The following UBQLN1 variants were observed in gnomAD, a reference collection of about 807,000 sequenced individuals.
The protein encoded by UBQLN1 is ubiquilin 1, also known as ubiquilin-1.
A neutral mutation model predicts 65.4 loss-of-function variants in UBQLN1; 13 were observed. The ratio of observed to expected loss-of-function variants is 0.20; its 90% CI spans 0.13 to 0.32. The LOEUF (loss-of-function observed/expected upper bound fraction) is 0.32. Ranked by LOEUF, UBQLN1 falls within the 10% of genes least tolerant of loss-of-function variation. The pLI, the probability that UBQLN1 is intolerant of heterozygous loss-of-function variation, is 1.00. For missense variants in UBQLN1, 561 were observed against 724.0 expected (o/e 0.77, Z 2.58); for synonymous variants, 267 against 247.8 (o/e 1.08, Z -0.73).
chr9:83,690,486 A>G (rs1303788929), intron 1 of UBQLN1, among the ~76,000 whole-genome samples: 4 of 152,216 alleles, frequency 2.6e-5, no homozygotes, highest in Admixed American at 6.5e-5. Flanking sequence ...CCTTTAGGCT[A>G]AAACACGAAC....
chr9:83,663,644 A>G (rs1831597792), intron 10 of UBQLN1, among the ~76,000 whole-genome samples: 1 of 152,216 alleles, frequency 6.6e-6, no homozygotes, highest in Non-Finnish European at 1.5e-5. Flanking sequence ...TTTAGGTTGT[A>G]GCATGTCTTC....
At chr9:83,668,685 T>C (rs2131145673) in intron 7 of UBQLN1, 1 of 954,866 alleles carries the variant, frequency 1.0e-6, no homozygotes, top group Non-Finnish European at 1.2e-6. Context: ...TGTATACGAT[T>C]TTCAGCAGGG....
At chr9:83,706,208 T>TA (rs1832403340) in intron 1 of UBQLN1, among the ~76,000 whole-genome samples, 1 of 152,360 alleles carries the variant, frequency 6.6e-6, no homozygotes, top group African/African-American at 2.4e-5. Flanking sequence ...CATCTACTGA[T>TA]ACGTGCAACT....
chr9:83,696,002 C>T (rs6559738), intron 1 of UBQLN1, among the ~76,000 whole-genome samples: 5,043 of 152,040 alleles, frequency 0.033, 251 homozygotes, highest in African/African-American at 0.11. Context: ...TGCAGTCGCA[C>T]GATCTCAGCT....
chr9:83,665,574 A>T (rs549056655), intron 8 of UBQLN1, among the ~76,000 whole-genome samples: 133 of 152,298 alleles, frequency 8.7e-4, no homozygotes, highest in African/African-American at 3.2e-3. Context: ...GTACACTCTA[A>T]AACAACAGTT....
intron 6 of UBQLN1, among the ~76,000 whole-genome samples, chr9:83,674,959 T>G (rs11140209): frequency 0.28 from 41,835 of 152,102 alleles, 7,062 homozygotes; most frequent in East Asian, 0.85. Context: ...TTGGACATAT[T>G]TTCAAAGCAT....
At chr9:83,695,804 C>T (rs1457428140) in intron 1 of UBQLN1, among the ~76,000 whole-genome samples, 1 of 152,146 alleles carries the variant, frequency 6.6e-6, no homozygotes, top group Non-Finnish European at 1.5e-5. Flanking sequence ...TATTTTCATG[C>T]CTATAATAAA....
intron 4 of UBQLN1, among the ~76,000 whole-genome samples, chr9:83,679,267 T>C (rs1193936487): frequency 6.6e-6 from 1 of 152,240 alleles, no homozygotes; most frequent in Non-Finnish European, 1.5e-5. Context: ...TCGTTTTTGC[T>C]TTCTTCAGCC....
At chr9:83,706,768 T>C (rs1200353211) in intron 1 of UBQLN1, among the ~76,000 whole-genome samples, 1 of 152,182 alleles carries the variant, frequency 6.6e-6, no homozygotes, top group African/African-American at 2.4e-5. Flanking sequence ...AATATCAACA[T>C]CGCTATCGCC....
At chr9:83,704,501 C>A (rs540841975) in intron 1 of UBQLN1, among the ~76,000 whole-genome samples, 1 of 148,616 alleles carries the variant, frequency 6.7e-6, no homozygotes, top group Non-Finnish European at 1.5e-5. Flanking sequence ...GAAAAGGCTA[C>A]TTCAGAAAGA....
At chr9:83,704,546 C>T (rs1343651220) in intron 1 of UBQLN1, among the ~76,000 whole-genome samples, 1 of 152,152 alleles carries the variant, frequency 6.6e-6, no homozygotes, top group Non-Finnish European at 1.5e-5. Flanking sequence ...CGTACTGGGC[C>T]GGGTGCCCGG....
intron 6 of UBQLN1, among the ~76,000 whole-genome samples, chr9:83,676,160 T>A (rs1008568438): frequency 2.6e-5 from 4 of 152,214 alleles, no homozygotes; most frequent in Admixed American, 2.0e-4. Context: ...TGCATATATG[T>A]ATGCATCAAA....
chr9:83,665,910 G>A (rs950614496), intron 8 of UBQLN1, among the ~76,000 whole-genome samples: 5 of 150,324 alleles, frequency 3.3e-5, no homozygotes, highest in Non-Finnish European at 5.9e-5. Context: ...CGAGTTTGAG[G>A]AAATGAGATC....
chr9:83,705,150 G>T (rs902989639), intron 1 of UBQLN1, among the ~76,000 whole-genome samples: 4 of 151,904 alleles, frequency 2.6e-5, no homozygotes, highest in Non-Finnish European at 2.9e-5. Flanking sequence ...TGTTAGCAGG[G>T]ATATGGAGCA....
Position 83,707,854 on chromosome 9 carries a change from TGCAGGCTCTGGC to T in UBQLN1, c.-187_-176del. The T allele has an allele frequency of 1.0e-6, 1 of 959,742 alleles. No individual in the cohort carries two copies. Among genetic ancestry groups the T allele is most frequent in the Non-Finnish European group, 1.4e-6 (1 of 691,074 alleles). 59.5% of individuals were successfully genotyped at this position (959,742 alleles called of 1,614,324 possible). On this transcript the variant is annotated 5_prime_UTR_variant, in exon 1 of 11. Coordinates refer to ENST00000376395, the MANE Select transcript of UBQLN1 (RefSeq NM_013438.5). The stretch of plus-strand genomic sequence containing the variant: ...GCGGGTGTGGGGCCCCGGAGCTCGG[TGCAGGCTCTGGC>T]GCAGGCCCGGGTCAGGCGCTCGGCA...
intron 4 of UBQLN1, among the ~76,000 whole-genome samples, chr9:83,679,139 T>C (rs532159247): frequency 3.9e-5 from 6 of 152,252 alleles, no homozygotes; most frequent in East Asian, 1.9e-4. Context: ...AAGGGGCCAG[T>C]TTCCCCCCCA....
intron 6 of UBQLN1, among the ~76,000 whole-genome samples, chr9:83,671,028 C>T (rs1019394437): frequency 2.6e-5 from 4 of 152,146 alleles, no homozygotes; most frequent in South Asian, 4.2e-4. Context: ...GGGAGTGGCA[C>T]GAACATAGCT....
intron 1 of UBQLN1, among the ~76,000 whole-genome samples, chr9:83,695,393 T>C (rs1436506901): frequency 6.6e-6 from 1 of 151,944 alleles, no homozygotes; most frequent in Non-Finnish European, 1.5e-5. Context: ...AGAGATGGGG[T>C]TTCACTATAT....
At chr9:83,692,226 T>C (rs1213519180) in intron 1 of UBQLN1, among the ~76,000 whole-genome samples, 1 of 152,240 alleles carries the variant, frequency 6.6e-6, no homozygotes, top group African/African-American at 2.4e-5. Context: ...AATAATGTAG[T>C]GTTTTTATCT....
Sources: gnomAD v4.1 joint callset for allele counts (sites outside exome capture counted in the v4.1 genomes callset) on GRCh38, gnomAD v4.1.1 for gene constraint, MANE v1.5 for transcripts, NCBI Gene and HGNC (gene_info 2026-07-23, HGNC 2026-07-21) for gene names.